The following ZNF385D variants were observed in gnomAD, a reference collection of about 807,000 sequenced individuals.
The protein encoded by ZNF385D is zinc finger protein 659.
Under a neutral mutation model 35.8 loss-of-function variants are expected in ZNF385D, and 15 were observed. The ratio of observed to expected loss-of-function variants is 0.42; its 90% CI spans 0.28 to 0.64. ZNF385D has a LOEUF of 0.64. Ranked by LOEUF, ZNF385D falls within the 30% of genes least tolerant of loss-of-function variation. The probability of loss-of-function intolerance (pLI) is 0.23; values close to 1 mark genes in which losing one functional copy is unlikely to be tolerated. For missense variants in ZNF385D, 474 were observed against 494.6 expected, an observed-to-expected ratio of 0.96 and a Z score of 0.39; for synonymous variants, 212 against 186.8, an observed-to-expected ratio of 1.13 and a Z score of -1.10.
At chr3:21,986,620 G>C (rs1694818899) in intron 3 of ZNF385D, among the ~76,000 whole-genome samples, 1 of 148,772 alleles carries the variant, frequency 6.7e-6, no homozygotes, top group South Asian at 2.1e-4. Context: ...GGTGTGGTGT[G>C]GTGCTGAAAA....
chr3:22,223,236 AC>A (rs746596351), intron 2 of ZNF385D, among the ~76,000 whole-genome samples: 14 of 152,122 alleles, frequency 9.2e-5, no homozygotes, highest in Non-Finnish European at 2.1e-4. Flanking sequence ...TGAAAAAGAA[AC>A]AAGAAATTTA....
At chr3:21,749,101 G>A (rs1193243520) in intron 1 of ZNF385D, among the ~76,000 whole-genome samples, 1 of 152,138 alleles carries the variant, frequency 6.6e-6, no homozygotes, top group African/African-American at 2.4e-5. Context: ...AAGACACTGA[G>A]GGCAACTTTA....
intron 4 of ZNF385D, among the ~76,000 whole-genome samples, chr3:21,444,895 G>A (rs1424672592): frequency 6.6e-6 from 1 of 152,100 alleles, no homozygotes; most frequent in Non-Finnish European, 1.5e-5. Context: ...AGTTGCAGAA[G>A]CCCCCAAAAA....
intron 2 of ZNF385D, among the ~76,000 whole-genome samples, chr3:21,597,946 T>C (rs1325258335): frequency 6.6e-6 from 1 of 152,028 alleles, no homozygotes; most frequent in African/African-American, 2.4e-5. Context: ...TTAATGGGTG[T>C]AGAAAAGCAA....
chr3:21,711,038 A>ATTTTTTTTTTTTTTTTT (rs562190313), intron 1 of ZNF385D, among the ~76,000 whole-genome samples: 2 of 55,822 alleles, frequency 3.6e-5, no homozygotes, highest in Admixed American at 2.0e-4. Context: ...TCCCTCTAAA[A>ATTTTTTTTTTTTTTTTT]GTTTTTTTTT....
At chr3:22,225,955 G>T (rs1576525363) in intron 2 of ZNF385D, among the ~76,000 whole-genome samples, 1 of 152,106 alleles carries the variant, frequency 6.6e-6, no homozygotes, top group Non-Finnish European at 1.5e-5. Context: ...AGCACAGGAA[G>T]GTTCTGTAAG....
rs190427531 is a variant in ZNF385D at position 21,497,545 on chromosome 3, T to A, written c.439+13316A>T. 7.2e-3 allele frequency among the ~76,000 whole-genome samples: 1,099 copies of A among 152,150 alleles called. 15 individuals are homozygous for A. Among genetic ancestry groups the A allele is most frequent in the African/African-American group, 0.024 (998 of 41,500 alleles). On this transcript the variant is annotated intron_variant, in intron 4 of 7. Transcript: ENST00000281523. ...CTCTTCACAGAATTATTTAAAAAAA[T>A]TTTTTTTAAATTCATATGGCCAGGT...
At chr3:22,091,741 C>G (rs889191970) in intron 3 of ZNF385D, among the ~76,000 whole-genome samples, 18 of 152,182 alleles carry the variant, frequency 1.2e-4, no homozygotes, top group Non-Finnish European at 2.5e-4. Flanking sequence ...TATGGTAAAT[C>G]TTTCAAGACT....
intron 2 of ZNF385D, among the ~76,000 whole-genome samples, chr3:21,603,756 G>A (rs1174528223): frequency 6.6e-6 from 1 of 152,146 alleles, no homozygotes; most frequent in African/African-American, 2.4e-5. Flanking sequence ...TGGAAAGGTG[G>A]TGGGAGTCAT....
At chr3:22,299,631 G>A (rs892535319) in intron 2 of ZNF385D, among the ~76,000 whole-genome samples, 1 of 151,612 alleles carries the variant, frequency 6.6e-6, no homozygotes, top group South Asian at 2.1e-4. Context: ...AAAGTTTCAG[G>A]ATAGAAAATC....
intron 3 of ZNF385D, among the ~76,000 whole-genome samples, chr3:22,060,816 A>T (rs935795523): frequency 6.6e-6 from 1 of 152,114 alleles, no homozygotes; most frequent in Non-Finnish European, 1.5e-5. Flanking sequence ...TAAACAGTGA[A>T]TTTTAATTTA....
chr3:21,652,106 G>T (rs1490376219), intron 2 of ZNF385D, among the ~76,000 whole-genome samples: 3 of 152,138 alleles, frequency 2.0e-5, no homozygotes, highest in Middle Eastern at 3.2e-3. Flanking sequence ...AACGTTTAAA[G>T]TAAATTATAA....
chr3:21,546,541 G>T (rs1196275582), intron 3 of ZNF385D, among the ~76,000 whole-genome samples: 2 of 151,886 alleles, frequency 1.3e-5, no homozygotes, highest in East Asian at 3.9e-4. Flanking sequence ...TTATGATAAG[G>T]AGTCCATGCA....
intron 3 of ZNF385D, among the ~76,000 whole-genome samples, chr3:21,840,545 G>A (rs1177343095): frequency 6.9e-6 from 1 of 145,516 alleles, no homozygotes; most frequent in East Asian, 2.1e-4. Context: ...TGCTTTATGG[G>A]CAACTGGGAA....
intron 4 of ZNF385D, among the ~76,000 whole-genome samples, chr3:21,474,007 T>C (rs566700981): frequency 4.6e-5 from 7 of 152,224 alleles, no homozygotes; most frequent in African/African-American, 1.7e-4. Flanking sequence ...TATGTGTATA[T>C]ATGTGTGTGT....
At chr3:21,608,331 T>C (rs1181009940) in intron 2 of ZNF385D, among the ~76,000 whole-genome samples, 1 of 152,146 alleles carries the variant, frequency 6.6e-6, no homozygotes, top group East Asian at 1.9e-4. Flanking sequence ...CTGTTAATTA[T>C]GTATGTCTTT....
At chr3:22,152,351 T>C (rs1705293032) in intron 3 of ZNF385D, among the ~76,000 whole-genome samples, 1 of 152,176 alleles carries the variant, frequency 6.6e-6, no homozygotes, top group Non-Finnish European at 1.5e-5. Flanking sequence ...AATGACGGTA[T>C]CTGTATTAGT....
At chr3:21,774,324 T>A (rs2071200024) in intron 3 of ZNF385D, among the ~76,000 whole-genome samples, 1 of 127,330 alleles carries the variant, frequency 7.9e-6, no homozygotes, top group South Asian at 2.4e-4. Flanking sequence ...TAATGGATGC[T>A]GGGATTAATC....
At chr3:21,838,745 T>C (rs527920412) in intron 3 of ZNF385D, among the ~76,000 whole-genome samples, 3 of 152,230 alleles carry the variant, frequency 2.0e-5, no homozygotes, top group South Asian at 2.1e-4. Context: ...TAAGATGCCA[T>C]CTATTGTAAG....
Sources: gnomAD v4.1 joint callset for allele counts (sites outside exome capture counted in the v4.1 genomes callset) on GRCh38, gnomAD v4.1.1 for gene constraint, MANE v1.5 for transcripts, NCBI Gene and HGNC (gene_info 2026-07-23, HGNC 2026-07-21) for gene names.